The following TEAD4 variants were observed in gnomAD, a reference collection of about 807,000 sequenced individuals.
The protein encoded by TEAD4 is TEA domain transcription factor 4, also known as transcriptional enhancer factor TEF-3.
TEAD4 carries 36 observed loss-of-function variants against 52.4 expected under a neutral mutation model. That is an observed-to-expected ratio of 0.69 (90% CI 0.53 to 0.91). The LOEUF is 0.91. Among genes scored for constraint, TEAD4 ranks in the 40% least tolerant of loss-of-function variants. TEAD4 has a pLI of 0.00. For missense variants in TEAD4, 508 were observed against 583.9 expected, an observed-to-expected ratio of 0.87 and a Z score of 1.34; for synonymous variants, 220 against 231.0, an observed-to-expected ratio of 0.95 and a Z score of 0.43.
intron 2 of TEAD4, among the ~76,000 whole-genome samples, chr12:2,971,700 C>T (rs2098225200): frequency 6.6e-6 from 1 of 151,718 alleles, no homozygotes; most frequent in South Asian, 2.1e-4. Context: ...TGGTCTCGAT[C>T]TCCTGACCTC....
intron 6 of TEAD4, among the ~76,000 whole-genome samples, chr12:3,017,750 C>G (rs1013084152): frequency 1.3e-5 from 2 of 152,208 alleles, no homozygotes; most frequent in Non-Finnish European, 2.9e-5. Flanking sequence ...ACTCCACAGA[C>G]TTCACAAGGG....
chr12:2,960,871 A>G (rs2098214704), intron 2 of TEAD4, among the ~76,000 whole-genome samples: 1 of 152,134 alleles, frequency 6.6e-6, no homozygotes, highest in Non-Finnish European at 1.5e-5. Flanking sequence ...GCCTGAGTGC[A>G]GGGATAATTT....
At chr12:2,976,217 C>T (rs6489412) in intron 2 of TEAD4, among the ~76,000 whole-genome samples, 100,061 of 151,660 alleles carry the variant, frequency 0.66, 36,366 homozygotes, top group Non-Finnish European at 0.82. Context: ...TCCACCAAGA[C>T]GCCGGGCTGG....
At chr12:3,027,011 C>T (rs975233999) in intron 10 of TEAD4, among the ~76,000 whole-genome samples, 2 of 152,058 alleles carry the variant, frequency 1.3e-5, no homozygotes, top group Non-Finnish European at 2.9e-5. Flanking sequence ...AACCCACGCC[C>T]AGACTAAGTT....
intron 3 of TEAD4, among the ~76,000 whole-genome samples, chr12:3,004,536 G>A (rs1472346441): frequency 6.6e-6 from 1 of 152,162 alleles, no homozygotes; most frequent in Non-Finnish European, 1.5e-5. Flanking sequence ...ACTGGCACCA[G>A]ACTACATGGA....
At chr12:2,991,362 T>C (rs1424293238) in intron 2 of TEAD4, among the ~76,000 whole-genome samples, 1 of 152,218 alleles carries the variant, frequency 6.6e-6, no homozygotes, top group African/African-American at 2.4e-5. Context: ...TGGCAACTCT[T>C]TTAAGTAGTT....
intron 2 of TEAD4, among the ~76,000 whole-genome samples, chr12:2,979,144 G>A (rs925181858): frequency 1.3e-5 from 2 of 152,106 alleles, no homozygotes. Flanking sequence ...TCGAGCTCCC[G>A]ACCTCAGGTG....
At chr12:3,010,339 C>T (rs147960862) in intron 3 of TEAD4, among the ~76,000 whole-genome samples, 14 of 152,330 alleles carry the variant, frequency 9.2e-5, no homozygotes, top group African/African-American at 3.1e-4. Flanking sequence ...ATGCTTCAGG[C>T]GTAGCAGCAG....
rs61672018 is a variant in TEAD4, at chr12:2,968,385, CTTTTTTTTT to C, written c.-30+8364_-30+8372del. Among the ~76,000 whole-genome samples, 301 of 55,064 alleles carry C rather than the reference CTTTTTTTTT, an allele frequency of 5.5e-3. 1 individual carries two copies. The highest frequency in any genetic ancestry group is 8.5e-3 in the Non-Finnish European group (267 of 31,594). The allele number at this position is 55,064 out of a possible 152,430, so 36.1% of individuals were successfully genotyped here. A position where few individuals can be genotyped will look rare whatever the true frequency, so the allele number is the denominator to read the frequency against. ...ACAGGTGTGAGCCACCGCGCCCGGC[CTTTTTTTTT>C]TTTTTTTTTTTTTTTTTTGTGAGAC... On this transcript the variant is annotated intron_variant, in intron 2 of 12. Coordinates refer to ENST00000359864, the MANE Select transcript of TEAD4 (RefSeq NM_003213.4).
chr12:3,021,893 G>T lies in TEAD4; in HGVS notation c.773G>T (p.Ser258Ile). 1 of 1,614,252 alleles carries T rather than the reference G, an allele frequency of 6.2e-7. No individual in the cohort carries two copies. The highest frequency in any genetic ancestry group is 8.5e-7 in the Non-Finnish European group (1 of 1,180,044). ...ATTGGCCAGTCCAGCCCAAGCTACA[G>T]CGACCCCTACCTCGAAGCCGTGGAC... The change falls in exon 10 of 13, where the codon AGC becomes ATC. Residue 258 changes from serine (S) to isoleucine (I), a missense_variant. Coordinates refer to ENST00000359864, the MANE Select transcript of TEAD4 (RefSeq NM_003213.4).
chr12:3,040,665 AT>A lies in TEAD4; in HGVS notation c.*191del. 1.7e-6 allele frequency: 1 copy of A among 605,002 alleles called. No homozygotes were observed. The highest frequency in any genetic ancestry group is 2.9e-5 in the Admixed American group (1 of 34,712). 37.5% of individuals were successfully genotyped at this position (605,002 alleles called of 1,614,324 possible). A position where few individuals can be genotyped will look rare whatever the true frequency, so the allele number is the denominator to read the frequency against. ...CCCAAATAAACCCAAGATGCTGTGT[AT>A]TTTCAGAGGACCTGGTCTGGCTGTG... is the stretch of plus-strand genomic sequence containing the variant. On this transcript the variant is annotated 3_prime_UTR_variant, in exon 13 of 13. Coordinates refer to ENST00000359864, the MANE Select transcript of TEAD4 (RefSeq NM_003213.4).
At position 3,021,832 on chromosome 12, in the gene TEAD4, C is replaced by G. The variant is rs1176230931; in HGVS notation, c.724-12C>G. ...CTGTGCTCCGTCTCCCTCAGACCCA[C>G]TCTCTCCACAGTACAACAAGCACCT... On this transcript the variant is annotated splice_polypyrimidine_tract_variant and intron_variant, in intron 9 of 12. Transcript: ENST00000359864. 6.2e-7 allele frequency: 1 copy of G among 1,613,096 alleles called. No individual in the cohort carries two copies. Among genetic ancestry groups the G allele is most frequent in the Non-Finnish European group, 8.5e-7 (1 of 1,179,402 alleles).
At position 2,974,424 on chromosome 12, in the gene TEAD4, G is replaced by A. The variant is rs144779591; in HGVS notation, c.-30+14384G>A. On this transcript the variant is annotated intron_variant, in intron 2 of 12. Coordinates refer to ENST00000359864, the MANE Select transcript of TEAD4 (RefSeq NM_003213.4). ...AATGACCAAGGCCAGGATGGATGCC[G>A]CCTCCCACCTCTTGTCCAAGCTCAT... Among the ~76,000 whole-genome samples the A allele has an allele frequency of 2.8e-4, 43 of 152,310 alleles. No individual in the cohort carries two copies. The South Asian group carries it at 4.3e-3, about 15-fold the overall frequency.
chr12:3,023,520 G>A (rs2098270051), intron 10 of TEAD4, among the ~76,000 whole-genome samples: 1 of 152,036 alleles, frequency 6.6e-6, no homozygotes. Context: ...AGTTGCGGTG[G>A]CTCATGCCTG....
chr12:3,029,973 G>A (rs2098274517), intron 10 of TEAD4, among the ~76,000 whole-genome samples: 1 of 152,136 alleles, frequency 6.6e-6, no homozygotes, highest in South Asian at 2.1e-4. Flanking sequence ...TTCCCTGGAA[G>A]GGACATACTT....
At chr12:3,038,976 C>T (rs911304504) in intron 11 of TEAD4, among the ~76,000 whole-genome samples, 3 of 152,304 alleles carry the variant, frequency 2.0e-5, no homozygotes, top group Admixed American at 1.3e-4. Context: ...ACCGTGCAGG[C>T]CAGTCTTCGT....
chr12:3,025,510 C>T (rs2098271545), intron 10 of TEAD4, among the ~76,000 whole-genome samples: 1 of 151,312 alleles, frequency 6.6e-6, no homozygotes, highest in African/African-American at 2.5e-5. Context: ...ATCATTTTCC[C>T]TAGAAAATGA....
intron 5 of TEAD4, among the ~76,000 whole-genome samples, chr12:3,014,250 C>T (rs538873696): frequency 6.6e-6 from 1 of 152,198 alleles, no homozygotes; most frequent in African/African-American, 2.4e-5. Context: ...CTGCAGATGA[C>T]CACGGTGAAC....
At chr12:3,017,262 G>A in intron 5 of TEAD4, 136 bp from the exon 6 acceptor site, 2 of 1,164,788 alleles carry the variant, frequency 1.7e-6, no homozygotes, top group Non-Finnish European at 2.5e-6. Context: ...TAATAGCACG[G>A]CACAGACTTA....
Sources: gnomAD v4.1 joint callset for allele counts (sites outside exome capture counted in the v4.1 genomes callset) on GRCh38, gnomAD v4.1.1 for gene constraint, MANE v1.5 for transcripts, NCBI Gene and HGNC (gene_info 2026-07-23, HGNC 2026-07-21) for gene names.